PPP1R21: variants seen among roughly 807,000 people sequenced by gnomAD.
PPP1R21 encodes protein phosphatase 1 regulatory subunit 21.
A neutral mutation model predicts 112.8 loss-of-function variants in PPP1R21; 85 were observed. That is an observed-to-expected ratio of 0.75 (90% CI 0.63 to 0.90). PPP1R21 has a LOEUF of 0.90. Ranked by LOEUF, PPP1R21 falls within the 40% of genes least tolerant of loss-of-function variation. The pLI is 0.00. For missense variants in PPP1R21, 1,199 were observed against 901.5 expected, an observed-to-expected ratio of 1.33 and a Z score of -4.23; for synonymous variants, 381 against 322.3, an observed-to-expected ratio of 1.18 and a Z score of -1.95.
At chr2:48,501,395 T>A (rs1385417218) in intron 17 of PPP1R21, among the ~76,000 whole-genome samples, 2 of 152,196 alleles carry the variant, frequency 1.3e-5, no homozygotes, top group African/African-American at 4.8e-5. Flanking sequence ...ACAATGACAT[T>A]GTAATTGTAG....
intron 2 of PPP1R21, among the ~76,000 whole-genome samples, chr2:48,452,680 C>T (rs953796416): frequency 2.0e-5 from 3 of 151,806 alleles, no homozygotes; most frequent in African/African-American, 4.8e-5. Context: ...AGTTTTATTA[C>T]TGGGTTTACC....
Position 48,471,412 on chromosome 2 carries a change from A to G in PPP1R21, c.1088+45A>G, listed in dbSNP as rs1012982942. On this transcript the variant is annotated intron_variant, in intron 11 of 21. Coordinates refer to ENST00000294952, the MANE Select transcript of PPP1R21 (RefSeq NM_001135629.3). ...AGGGAACTTGGGGAATTGTGGGTGT[A>G]ACCTGATCTGGCTGGCGTTAATAAA... is the stretch of plus-strand genomic sequence containing the variant. 5.8e-6 allele frequency: 9 copies of G among 1,541,162 alleles called. No individual in the cohort carries two copies. In the African/African-American group the frequency reaches 8.3e-5, roughly 14 times the overall value.
chr2:48,441,079 G>C, intron 1 of PPP1R21, 69 bp downstream of exon 1: 1 of 1,129,646 alleles, frequency 8.9e-7, no homozygotes, highest in Non-Finnish European at 1.3e-6. Context: ...GCAGCGACTT[G>C]TCGGGACCTA....
chr2:48,463,519 A>G (rs1476310551), intron 7 of PPP1R21, among the ~76,000 whole-genome samples: 4 of 152,098 alleles, frequency 2.6e-5, no homozygotes, highest in Non-Finnish European at 5.9e-5. Flanking sequence ...TAGGCAGAGC[A>G]GTGCTGTTTT....
At chr2:48,485,061 G>A (rs182894389) in intron 13 of PPP1R21, among the ~76,000 whole-genome samples, 2 of 152,120 alleles carry the variant, frequency 1.3e-5, no homozygotes, top group Non-Finnish European at 2.9e-5. Context: ...AGTACTTACA[G>A]ACTGTTGGTG....
chr2:48,495,690 G>C lies in PPP1R21; in HGVS notation c.1611G>C (p.Glu537Asp), dbSNP rs1270726832. ...YMKSLRKPLL[E>D]SVPYEEALAN... ...TGCTTTTATCATAGCCCCTCTTGGA[G>C]TCTGTGCCTTATGAAGAAGCACTGG... is the stretch of plus-strand genomic sequence containing the variant. Residue 537 changes from glutamate (E) to aspartate (D), a missense_variant, in exon 16 of 22, where the codon GAG (glutamate) becomes GAC (aspartate). Physicochemically the swap from Glu to Asp is conservative, Grantham distance 45. Coordinates refer to ENST00000294952, the MANE Select transcript of PPP1R21 (RefSeq NM_001135629.3). The C allele has an allele frequency of 1.9e-6, 3 of 1,604,348 alleles. No individual in the cohort carries two copies. The African/African-American group carries it at 4.0e-5, about 21-fold the overall frequency.
intron 13 of PPP1R21, among the ~76,000 whole-genome samples, chr2:48,481,366 G>C (rs1306247514): frequency 6.6e-6 from 1 of 152,244 alleles, no homozygotes; most frequent in East Asian, 1.9e-4. Context: ...TGGATAGGCA[G>C]TATGGGTGGC....
At chr2:48,476,843 GT>G (rs375799096) in intron 12 of PPP1R21, among the ~76,000 whole-genome samples, 157 of 152,162 alleles carry the variant, frequency 1.0e-3, no homozygotes, top group African/African-American at 3.5e-3. Context: ...ATACATACAA[GT>G]CACTTATTGG....
At chr2:48,489,978 G>C (rs1400940307) in intron 14 of PPP1R21, among the ~76,000 whole-genome samples, 1 of 152,168 alleles carries the variant, frequency 6.6e-6, no homozygotes, top group Non-Finnish European at 1.5e-5. Flanking sequence ...CCAGGAGGTG[G>C]AGGTTGCAGT....
At position 48,495,847 on chromosome 2, in the gene PPP1R21, C is replaced by G; in HGVS notation, c.1692+76C>G. On this transcript the variant is annotated intron_variant, in intron 16 of 21. Transcript: ENST00000294952. ...TCCCCCATAGAAAGTTTTTAAGATACGTAGAATGATTCAAAAGTCTGCATA... is the reference window on the plus strand; with the variant it reads ...TCCCCCATAGAAAGTTTTTAAGATAGGTAGAATGATTCAAAAGTCTGCATA... The G allele has an allele frequency of 2.4e-6, 2 of 825,832 alleles. 1 individual carries two copies. The highest frequency in any genetic ancestry group is 2.8e-5 in the South Asian group (2 of 70,872). 51.2% of individuals were successfully genotyped at this position (825,832 alleles called of 1,614,324 possible).
intron 17 of PPP1R21, 34 bp from the exon 18 acceptor site, chr2:48,505,530 T>C: frequency 6.7e-7 from 1 of 1,502,024 alleles, no homozygotes; most frequent in Non-Finnish European, 9.1e-7. Context: ...ATGTACACAT[T>C]CTGTTCTAAA....
intron 7 of PPP1R21, among the ~76,000 whole-genome samples, chr2:48,461,988 A>G (rs1417655227): frequency 6.6e-6 from 1 of 152,206 alleles, no homozygotes; most frequent in Non-Finnish European, 1.5e-5. Flanking sequence ...CCATGTCATT[A>G]TTGTATCAAA....
chr2:48,466,458 C>T (rs892315264), intron 9 of PPP1R21, among the ~76,000 whole-genome samples: 1 of 151,920 alleles, frequency 6.6e-6, no homozygotes, highest in African/African-American at 2.4e-5. Context: ...AACTCCTGAC[C>T]TCAGGTGATC....
chr2:48,461,024 G>GA (rs1667953029), intron 6 of PPP1R21, 114 bp from the exon 7 acceptor site: 25 of 1,448,506 alleles, frequency 1.7e-5, no homozygotes, highest in Non-Finnish European at 2.3e-5. Context: ...GAGTATCCCA[G>GA]ATGTCAGGTG....
At chr2:48,457,547 C>G (rs889429567) in intron 3 of PPP1R21, among the ~76,000 whole-genome samples, 1 of 152,068 alleles carries the variant, frequency 6.6e-6, no homozygotes, top group East Asian at 1.9e-4. Context: ...CTATGTAGAA[C>G]GAGTTCATAT....
chr2:48,514,640 A>G, intron 21 of PPP1R21, 75 bp from the exon 22 acceptor site: 6 of 1,080,830 alleles, frequency 5.6e-6, no homozygotes, highest in African/African-American at 1.6e-5. Context: ...GCTTTCAGAC[A>G]GCTTGGTTTA....
chr2:48,465,387 A>C (rs1668153915), intron 8 of PPP1R21, 106 bp from the exon 9 acceptor site: 1 of 1,042,304 alleles, frequency 9.6e-7, no homozygotes, highest in Non-Finnish European at 1.4e-6. Flanking sequence ...AAAGTAAGGA[A>C]TAATCACACT....
At chr2:48,488,749 A>G (rs1669426117) in intron 14 of PPP1R21, among the ~76,000 whole-genome samples, 1 of 152,230 alleles carries the variant, frequency 6.6e-6, no homozygotes, top group Non-Finnish European at 1.5e-5. Context: ...TATTTGAACT[A>G]ATGTTAGTTG....
At chr2:48,508,091 A>G (rs528968698) in intron 19 of PPP1R21, among the ~76,000 whole-genome samples, 1 of 152,032 alleles carries the variant, frequency 6.6e-6, no homozygotes, top group East Asian at 1.9e-4. Flanking sequence ...AAAAAAAAAA[A>G]AAGTTATTGC....
Sources: gnomAD v4.1 joint callset for allele counts (sites outside exome capture counted in the v4.1 genomes callset) on GRCh38, gnomAD v4.1.1 for gene constraint, MANE v1.5 for transcripts, NCBI Gene and HGNC (gene_info 2026-07-23, HGNC 2026-07-21) for gene names.